PRMT3: variants seen among roughly 807,000 people sequenced by gnomAD.
The protein encoded by PRMT3 is protein arginine methyltransferase 3.
Under a neutral mutation model 71.9 loss-of-function variants are expected in PRMT3, and 62 were observed. The ratio of observed to expected loss-of-function variants is 0.86; its 90% CI spans 0.70 to 1.07. The LOEUF is 1.07. PRMT3 is among the 50% of genes least tolerant of loss of function. PRMT3 has a pLI of 0.00. For missense variants in PRMT3, 663 were observed against 643.0 expected, an observed-to-expected ratio of 1.03 and a Z score of -0.34; for synonymous variants, 213 against 220.4, an observed-to-expected ratio of 0.97 and a Z score of 0.30.
intron 10 of PRMT3, 130 bp from the exon 11 acceptor site, chr11:20,452,000 G>T: frequency 5.4e-6 from 3 of 560,518 alleles, no homozygotes; most frequent in Non-Finnish European, 8.4e-6. Context: ...AGATTTTGCA[G>T]AATATTATTA....
chr11:20,486,532 AT>A (rs1242110210), intron 13 of PRMT3, among the ~76,000 whole-genome samples: 1 of 152,148 alleles, frequency 6.6e-6, no homozygotes, highest in East Asian at 1.9e-4. Flanking sequence ...GAAACAAAAC[AT>A]CTCAGCACCC....
Position 20,482,879 on chromosome 11 carries a change from G to GAT in PRMT3, c.1348-11032_1348-11031dup, listed in dbSNP as rs557819183. Reference sequence around the variant, plus strand: ...AGTCAAAAATTAGAAAAATAAATTTGATATATATACCAGATGGCTCAGAAT... The same window carrying GAT: ...AGTCAAAAATTAGAAAAATAAATTTGATATATATATACCAGATGGCTCAGAAT... On this transcript the variant is annotated intron_variant, in intron 13 of 15. Transcript: ENST00000331079. Among the ~76,000 whole-genome samples the GAT allele has an allele frequency of 1.8e-4, 27 of 151,468 alleles. No individual in the cohort carries two copies. In the South Asian group the frequency reaches 5.4e-3, roughly 30 times the overall value.
At chr11:20,442,340 G>T in intron 10 of PRMT3, among the ~76,000 whole-genome samples, 1 of 149,958 alleles carries the variant, frequency 6.7e-6, no homozygotes. Flanking sequence ...CCCTTGTTTA[G>T]TTTAATTTTG....
chr11:20,438,157 A>G lies in PRMT3; in HGVS notation c.993+11292A>G, dbSNP rs143827229. Reference sequence around the variant, plus strand: ...TTTCCCACAAGAACTAGGATCTGTGACAATGGAGGCACCCTCCAGCAGCTC... The same window carrying G: ...TTTCCCACAAGAACTAGGATCTGTGGCAATGGAGGCACCCTCCAGCAGCTC... On this transcript the variant is annotated intron_variant, in intron 10 of 15. Transcript: ENST00000331079. Among the ~76,000 whole-genome samples the G allele has an allele frequency of 2.6e-4, 39 of 152,258 alleles. No homozygotes were observed. The East Asian group carries it at 7.2e-3, about 28-fold the overall frequency.
At chr11:20,440,742 A>T (rs181471446) in intron 10 of PRMT3, among the ~76,000 whole-genome samples, 1 of 152,260 alleles carries the variant, frequency 6.6e-6, no homozygotes, top group African/African-American at 2.4e-5. Flanking sequence ...ATATTGAAGC[A>T]TCCACTGAGT....
At chr11:20,495,305 C>T (rs560418932) in intron 15 of PRMT3, among the ~76,000 whole-genome samples, 18 of 152,158 alleles carry the variant, frequency 1.2e-4, no homozygotes, top group Admixed American at 2.6e-4. Flanking sequence ...CATGAGCCAC[C>T]GCACCCAGCC....
intron 13 of PRMT3, among the ~76,000 whole-genome samples, chr11:20,480,840 G>A (rs1262005645): frequency 2.0e-5 from 3 of 150,850 alleles, no homozygotes; most frequent in Non-Finnish European, 4.4e-5. Flanking sequence ...GAAAAATTAT[G>A]GTCCTGTCAA....
rs562158242 is a variant in PRMT3 at position 20,397,296 on chromosome 11, A to T, written c.561-281A>T. On this transcript the variant is annotated intron_variant, in intron 6 of 15. Transcript: ENST00000331079. ...AACAATAGAAATAATAGAGGATTAT[A>T]AAAGTAATATGCTTATTTGTTCAGT... 3.3e-5 allele frequency among the ~76,000 whole-genome samples: 5 copies of T among 152,380 alleles called. No homozygotes were observed. The South Asian group carries it at 1.0e-3, about 32-fold the overall frequency.
At chr11:20,448,546 A>G (rs1850081142) in intron 10 of PRMT3, among the ~76,000 whole-genome samples, 1 of 152,030 alleles carries the variant, frequency 6.6e-6, no homozygotes, top group African/African-American at 2.4e-5. Context: ...CTTCCATTAT[A>G]TTTGTAACTC....
chr11:20,491,023 A>G (rs1458897236), intron 13 of PRMT3, among the ~76,000 whole-genome samples: 1 of 152,144 alleles, frequency 6.6e-6, no homozygotes, highest in Non-Finnish European at 1.5e-5. Flanking sequence ...ATAGGTCTCC[A>G]AGGTTCTATA....
chr11:20,453,226 A>T (rs1850189838), intron 11 of PRMT3, among the ~76,000 whole-genome samples: 2 of 151,718 alleles, frequency 1.3e-5, no homozygotes, highest in African/African-American at 4.8e-5. Context: ...CACGCTTGTA[A>T]TCCCAGCACT....
At chr11:20,394,804 A>G (rs532699691) in intron 5 of PRMT3, among the ~76,000 whole-genome samples, 1 of 152,288 alleles carries the variant, frequency 6.6e-6, no homozygotes, top group South Asian at 2.1e-4. Context: ...ATTCCACACA[A>G]GAGTGAGATC....
At chr11:20,460,192 G>A (rs1438281470) in intron 11 of PRMT3, among the ~76,000 whole-genome samples, 2 of 152,064 alleles carry the variant, frequency 1.3e-5, no homozygotes, top group Non-Finnish European at 2.9e-5. Context: ...GGAGGAAGGA[G>A]AGAGTAATTT....
intron 13 of PRMT3, among the ~76,000 whole-genome samples, chr11:20,467,271 A>G (rs1850535177): frequency 1.3e-5 from 2 of 152,216 alleles, no homozygotes; most frequent in Admixed American, 6.5e-5. Flanking sequence ...GTCGTTGAAC[A>G]CTTGAATGTC....
chr11:20,507,693 T>C (rs1002662038), intron 15 of PRMT3, among the ~76,000 whole-genome samples: 1 of 150,934 alleles, frequency 6.6e-6, no homozygotes, highest in African/African-American at 2.4e-5. Context: ...GCAGGAGAAA[T>C]CACTTGAACA....
chr11:20,395,851 A>G lies in PRMT3; in HGVS notation c.449A>G (p.Asn150Ser), dbSNP rs200654081. Residue 150 changes from asparagine (N) to serine (S), a missense_variant, in exon 6 of 16, where the codon AAT (asparagine) becomes AGT (serine). Physicochemically the swap from Asn to Ser is conservative, Grantham distance 46 (BLOSUM62 1). Transcript: ENST00000331079. ...EPVSVPFSYP[N>S]GLSENTSVVE... ...GTGTCAGTACCCTTCTCATACCCCA[A>G]TGGACTCAGTGAAAATACATCTGTT... is the stretch of plus-strand genomic sequence containing the variant. The G allele has an allele frequency of 1.1e-4, 173 of 1,613,964 alleles. No homozygotes were observed. Among genetic ancestry groups the G allele is most frequent in the Admixed American group, 3.2e-4 (19 of 60,010 alleles).
chr11:20,464,385 T>C, intron 12 of PRMT3, 75 bp from the exon 13 acceptor site: 1 of 1,488,812 alleles, frequency 6.7e-7, no homozygotes, highest in South Asian at 1.3e-5. Context: ...TCTGGGTTGT[T>C]TTTGTTTTAT....
chr11:20,444,206 G>C (rs1849972357), intron 10 of PRMT3, among the ~76,000 whole-genome samples: 1 of 151,544 alleles, frequency 6.6e-6, no homozygotes, highest in Non-Finnish European at 1.5e-5. Flanking sequence ...CCCACCCCTG[G>C]TCCCCAAAAA....
intron 15 of PRMT3, among the ~76,000 whole-genome samples, chr11:20,505,875 A>G (rs1012767994): frequency 1.3e-5 from 2 of 151,748 alleles, no homozygotes; most frequent in African/African-American, 4.8e-5. Flanking sequence ...CAAAAAAAAA[A>G]AACAAAACCC....
Sources: allele counts gnomAD v4.1 joint callset (sites outside exome capture counted in the v4.1 genomes callset), GRCh38; gene constraint gnomAD v4.1.1; transcripts MANE v1.5; gene names NCBI Gene and HGNC (gene_info 2026-07-23, HGNC 2026-07-21).